Variants in FRS3 observed in about 807,000 individuals in gnomAD.
FRS3 encodes the protein fibroblast growth factor receptor substrate 3.
FRS3 carries 17 observed loss-of-function variants against 41.9 expected under a neutral mutation model. The ratio of observed to expected loss-of-function variants is 0.41; its 90% confidence interval spans 0.28 to 0.61. The LOEUF is 0.61. FRS3 is among the 20% of genes least tolerant of loss of function. FRS3 has a pLI of 0.36. For synonymous variants in FRS3, 287 were observed against 274.5 expected, an observed-to-expected ratio of 1.05 and a Z score of -0.45; for missense variants, 619 against 672.1, an observed-to-expected ratio of 0.92 and a Z score of 0.87.
chr6:41,770,466 G>A lies in FRS3; in HGVS notation c.*153C>T. 1.5e-6 allele frequency: 1 copy of A among 684,178 alleles called. No individual in the cohort carries two copies. 42.4% of individuals were successfully genotyped at this position (684,178 alleles called of 1,614,324 possible). ...GGAGACTCGGTGGCTGATATCTCTG[G>A]GGACTCCAGCCAGCACAGGGAAGCA... is the stretch of plus-strand genomic sequence containing the variant. On this transcript the variant is annotated 3_prime_UTR_variant, in exon 7 of 7. Coordinates refer to ENST00000373018, the MANE Select transcript of FRS3 (RefSeq NM_006653.5).
At position 41,770,750 on chromosome 6, in the gene FRS3, G is replaced by A. The variant is rs779642151; in HGVS notation, c.1348C>T (p.Arg450Ter). 1.2e-6 allele frequency: 2 copies of A among 1,613,724 alleles called. No homozygotes were observed. The highest frequency in any genetic ancestry group is 1.1e-5 in the South Asian group (1 of 91,080). The stretch of plus-strand genomic sequence containing the variant: ...ATCACGGCGTAGGAGTCTGAGCTTC[G>A]GGCAGGGTGGGTGGTGGGCATGGGG... ...QAPMPTTHPA[R>*]SSDSYAVIDL... Residue 450 changes from arginine to a stop codon, truncating the protein, a stop_gained, in exon 7 of 7, where the codon CGA becomes TGA. Transcript: ENST00000373018. LOFTEE classifies it high-confidence loss of function.
chr6:41,777,049 A>G, intron 2 of FRS3, 39 bp from the exon 3 acceptor site: 1 of 1,472,332 alleles, frequency 6.8e-7, no homozygotes, highest in Non-Finnish European at 9.5e-7. Context: ...CACCAACTTC[A>G]GCTTCAAAAA....
chr6:41,770,926 G>T lies in FRS3; in HGVS notation c.1172C>A (p.Thr391Asn). 6.2e-7 allele frequency: 1 copy of T among 1,612,278 alleles called. No homozygotes were observed. ...RSHGSFPVPL[T>N]RRRGSPRVFN... Reference sequence around the variant, plus strand: ...GACCCTTGGGGAGCCGCGGCGGCGGGTCAGTGGCACAGGAAAGCTGCCGTG... The same window carrying T: ...GACCCTTGGGGAGCCGCGGCGGCGGTTCAGTGGCACAGGAAAGCTGCCGTG... The change falls in exon 7 of 7, where the codon ACC (threonine) becomes AAC (asparagine). Residue 391 changes from threonine (T) to asparagine (N), a missense_variant. By Grantham distance (65) the Thr-to-Asn change is moderately conservative. Around this residue, in one of 3 missense-constraint regions of FRS3, gnomAD observed 487 missense variants for 478.3 expected, o/e 1.02. Transcript: ENST00000373018.
At chr6:41,771,795 G>A (rs747493076) in intron 6 of FRS3, 21 bp downstream of exon 6, 2 of 1,548,230 alleles carry the variant, frequency 1.3e-6, no homozygotes, top group South Asian at 1.2e-5. Context: ...CAGGGCAGGG[G>A]CTGGCCGGCT....
At chr6:41,772,767 T>TGTGTGTGC in intron 5 of FRS3, 31 bp downstream of exon 5, 1 of 1,566,748 alleles carries the variant, frequency 6.4e-7, no homozygotes, top group Non-Finnish European at 8.7e-7. Flanking sequence ...TGTGTGTGTG[T>TGTGTGTGC]GTGTGTGTGT....
Position 41,771,011 on chromosome 6 carries a change from C to A in FRS3, c.1087G>T (p.Gly363Cys). 3 of 1,613,094 alleles carry A rather than the reference C, an allele frequency of 1.9e-6. No homozygotes were observed. Residue 363 changes from glycine (G) to cysteine (C), a missense_variant, in exon 7 of 7, where the codon GGT becomes TGT. Gly to Cys is a radical substitution (Grantham distance 159, BLOSUM62 -3). This residue lies in a region of FRS3 where 487 missense variants were observed against 478.3 expected (regional missense o/e 1.02). Coordinates refer to ENST00000373018, the MANE Select transcript of FRS3 (RefSeq NM_006653.5). The part of the protein sequence containing the change: ...LTPSSNGFPD[G>C]EEDETPLQKP... The stretch of plus-strand genomic sequence containing the variant: ...TGCAGTGGGGTCTCGTCCTCCTCAC[C>A]ATCAGGGAAGCCATTGGAAGAGGGT...
Position 41,772,978 on chromosome 6 carries a change from A to T in FRS3, c.254-19T>A. On this transcript the variant is annotated intron_variant, in intron 4 of 6. Transcript: ENST00000373018. ...AATATTCCTGGAGAAGGAGAGGAAG[A>T]AATGACCCTAGGCAATAGGGAAGGA... 1 of 1,612,452 alleles carries T rather than the reference A, an allele frequency of 6.2e-7. No homozygotes were observed. Among genetic ancestry groups the T allele is most frequent in the South Asian group, 1.1e-5 (1 of 91,018 alleles).
intron 1 of FRS3, among the ~76,000 whole-genome samples, chr6:41,778,410 C>T (rs1056252919): frequency 2.0e-5 from 3 of 152,174 alleles, no homozygotes; most frequent in Non-Finnish European, 4.4e-5. Flanking sequence ...TCTAAGACGA[C>T]CAAAGACCTT....
chr6:41,773,015 C>CAACA, intron 4 of FRS3, 56 bp from the exon 5 acceptor site: 1 of 1,438,194 alleles, frequency 7.0e-7, no homozygotes. Context: ...CAGAGGAGCT[C>CAACA]AACAGATGCA....
At chr6:41,774,272 C>A (rs1772367243) in intron 4 of FRS3, among the ~76,000 whole-genome samples, 1 of 152,088 alleles carries the variant, frequency 6.6e-6, no homozygotes, top group African/African-American at 2.4e-5. Context: ...CTCTACCTCA[C>A]ATGCTTCCCC....
rs1046910797 is a variant in FRS3 at position 41,770,380 on chromosome 6, T to C, written c.*239A>G. On this transcript the variant is annotated 3_prime_UTR_variant, in exon 7 of 7. Transcript: ENST00000373018. The stretch of plus-strand genomic sequence containing the variant: ...ACGCAATCACAGGAACCCTTCACAG[T>C]TGACGTCTCGGCTCCCTCCTCGCCT... 5.3e-5 allele frequency: 31 copies of C among 579,926 alleles called. No individual in the cohort carries two copies. Among genetic ancestry groups the C allele is most frequent in the South Asian group, 3.4e-4 (16 of 47,356 alleles). 35.9% of individuals were successfully genotyped at this position (579,926 alleles called of 1,614,324 possible). A position where few individuals can be genotyped will look rare whatever the true frequency, so the allele number is the denominator to read the frequency against.
chr6:41,771,560 G>C (rs763892744), intron 6 of FRS3, 27 bp from the exon 7 acceptor site: 7 of 1,491,472 alleles, frequency 4.7e-6, no homozygotes, highest in African/African-American at 1.4e-5. Flanking sequence ...AGTGAGGCAG[G>C]AGTGTCCCAG....
rs187156981 is a variant in FRS3, at chr6:41,773,497, A to T, written c.254-538T>A. ...GCCCCAGCACGCCCACACCACATTGAACACTCCAGCTATATTGCTCTGAAG... is the reference window on the plus strand; with the variant it reads ...GCCCCAGCACGCCCACACCACATTGTACACTCCAGCTATATTGCTCTGAAG... On this transcript the variant is annotated intron_variant, in intron 4 of 6. Coordinates refer to ENST00000373018, the MANE Select transcript of FRS3 (RefSeq NM_006653.5). Among the ~76,000 whole-genome samples the T allele has an allele frequency of 7.6e-4, 116 of 152,284 alleles. 3 individuals carry two copies. The highest frequency in any genetic ancestry group is 6.9e-3 in the Admixed American group (105 of 15,292).
chr6:41,776,841 A>T (rs1019422253), intron 3 of FRS3, 81 bp downstream of exon 3: 1 of 1,126,072 alleles, frequency 8.9e-7, no homozygotes, highest in Non-Finnish European at 1.4e-6. Context: ...GCTGTTAGAG[A>T]AGCTGAGGCA....
At chr6:41,771,994 G>C in intron 5 of FRS3, 30 bp from the exon 6 acceptor site, 2 of 1,496,760 alleles carry the variant, frequency 1.3e-6, no homozygotes, top group Non-Finnish European at 1.8e-6. Flanking sequence ...GCCCAGGAGA[G>C]GGGAACTTAA....
rs1772332779 is a variant in FRS3, at chr6:41,772,848, T to C, written c.365A>G (p.Asn122Ser). 6.2e-7 allele frequency: 1 copy of C among 1,613,194 alleles called. No homozygotes were observed. Among genetic ancestry groups the C allele is most frequent in the Non-Finnish European group, 8.5e-7 (1 of 1,179,844 alleles). ...GAGGTCAAGCTCAGCGGGGTGGCTATTGCGGGTGATGATGACAGGCTCTTC... is the reference window on the plus strand; with the variant it reads ...GAGGTCAAGCTCAGCGGGGTGGCTACTGCGGGTGATGATGACAGGCTCTTC... The part of the protein sequence containing the change: ...VMEEPVIITR[N>S]SHPAELDLPR... The change falls in exon 5 of 7, where the codon AAT (asparagine) becomes AGT (serine). Residue 122 changes from asparagine to serine, a missense_variant. By Grantham distance (46) the Asn-to-Ser change is conservative (BLOSUM62 1). Transcript: ENST00000373018.
intron 5 of FRS3, 115 bp from the exon 6 acceptor site, chr6:41,772,079 G>A: frequency 2.4e-6 from 2 of 848,328 alleles, no homozygotes; most frequent in South Asian, 1.8e-5. Flanking sequence ...TGTTCTCAGG[G>A]CGTCACAGTG....
At position 41,770,622 on chromosome 6, in the gene FRS3, C is replaced by T; in HGVS notation, c.1476G>A (p.Leu492=). The T allele has an allele frequency of 6.2e-7, 1 of 1,614,166 alleles. No homozygotes were observed. Among genetic ancestry groups the T allele is most frequent in the Non-Finnish European group, 8.5e-7 (1 of 1,180,006 alleles). ...GGTGGTGAGGACCGGGAAGTCCCTA[C>T]AGAGGCAGGTCGGTGCTGTTGTGCC... ...KTRHNSTDLP[L] The change falls in exon 7 of 7, where the codon CTG becomes CTA. Residue 492 remains leucine, a synonymous_variant. Transcript: ENST00000373018.
rs749157370 is a variant in FRS3, at chr6:41,775,555, C to T, written c.117G>A (p.Glu39=). 3.7e-6 allele frequency: 6 copies of T among 1,614,146 alleles called. No individual in the cohort carries two copies. The highest frequency in any genetic ancestry group is 3.3e-4 in the Middle Eastern group (2 of 6,062). Residue 39 remains glutamate, a synonymous_variant, in exon 4 of 7, where the codon GAG becomes GAA. Transcript: ENST00000373018. ...GCAGCACCAGCTCACTCTGCGTCAG[C>T]TCCATCACCCCAGAGCCCAGCTCCA... is the stretch of plus-strand genomic sequence containing the variant. ...EGVELGSGVM[E]LTQSELVLHL...
Sources: gnomAD v4.1 joint callset for allele counts (sites outside exome capture counted in the v4.1 genomes callset) on GRCh38, gnomAD v4.1.1 for gene constraint, gnomAD v4.1.1 regional missense constraint, MANE v1.5 for transcripts, NCBI Gene and HGNC (gene_info 2026-07-23, HGNC 2026-07-21) for gene names.